Variants in RBFOX1 observed in about 807,000 individuals in gnomAD.
RBFOX1 encodes the protein RNA binding fox-1 homolog 1.
Under a neutral mutation model 57.7 loss-of-function variants are expected in RBFOX1, and 8 were observed. The observed-to-expected ratio is 0.14, with a 90% CI of 0.08 to 0.25. RBFOX1 has a LOEUF of 0.25. Among genes scored for constraint, RBFOX1 ranks in the 10% least tolerant of loss-of-function variants. The pLI, the probability that RBFOX1 is intolerant of heterozygous loss-of-function variation, is 1.00. For synonymous variants in RBFOX1, 326 were observed against 222.4 expected (o/e 1.47, Z -4.15); for missense variants, 611 against 548.5 (o/e 1.11, Z -1.14).
intron 3 of RBFOX1, among the ~76,000 whole-genome samples, chr16:6,931,598 C>T (rs2076573001): frequency 6.6e-6 from 1 of 152,094 alleles, no homozygotes; most frequent in Non-Finnish European, 1.5e-5. Flanking sequence ...CAACATATCC[C>T]ACCCCACAAC....
intron 1 of RBFOX1, among the ~76,000 whole-genome samples, chr16:6,130,220 A>G (rs1294716163): frequency 2.0e-5 from 3 of 152,132 alleles, no homozygotes; most frequent in African/African-American, 7.2e-5. Context: ...GGGTTTGTTA[A>G]GTATACACAT....
At chr16:7,482,864 T>G (rs1450610518) in intron 4 of RBFOX1, among the ~76,000 whole-genome samples, 1 of 152,150 alleles carries the variant, frequency 6.6e-6, no homozygotes, top group African/African-American at 2.4e-5. Flanking sequence ...GAGATGGGCT[T>G]AGATGTTGCA....
chr16:6,829,868 C>T (rs2092573479), intron 3 of RBFOX1, among the ~76,000 whole-genome samples: 3 of 152,186 alleles, frequency 2.0e-5, no homozygotes, highest in Admixed American at 6.5e-5. Context: ...TCCCAAAGTG[C>T]TGGGATTACA....
At chr16:5,585,225 G>A (rs1333527714) in intron 2 of RBFOX1, among the ~76,000 whole-genome samples, 1 of 151,990 alleles carries the variant, frequency 6.6e-6, no homozygotes, top group African/African-American at 2.4e-5. Context: ...CTACAGGATT[G>A]CGTTTTCTGG....
chr16:5,734,042 C>T (rs1168723503), intron 3 of RBFOX1, among the ~76,000 whole-genome samples: 1 of 152,150 alleles, frequency 6.6e-6, no homozygotes, highest in Non-Finnish European at 1.5e-5. Flanking sequence ...TAAGAACATG[C>T]ACGAACAGCC....
chr16:7,096,719 G>T (rs964593284), intron 4 of RBFOX1, among the ~76,000 whole-genome samples: 2 of 151,998 alleles, frequency 1.3e-5, no homozygotes, highest in African/African-American at 2.4e-5. Context: ...ATCACCTGAG[G>T]TCAGGTGTTT....
At chr16:6,675,938 C>G (rs1392310186) in intron 3 of RBFOX1, among the ~76,000 whole-genome samples, 3 of 152,064 alleles carry the variant, frequency 2.0e-5, no homozygotes, top group East Asian at 3.9e-4. Flanking sequence ...GCCTGAGACC[C>G]TTGTGAATCT....
chr16:6,931,295 GTCTATCTATCTATCTATCTA>G (rs1161231181), intron 3 of RBFOX1, among the ~76,000 whole-genome samples: 2 of 136,158 alleles, frequency 1.5e-5, no homozygotes, highest in African/African-American at 2.8e-5. Context: ...CTGTCTGTCT[GTCTATCTATCTATCTATCTA>G]TCTATCTATC....
chr16:6,256,247 G>GTATATATATGTGTATATATATATGTA (rs2097665263), intron 1 of RBFOX1, among the ~76,000 whole-genome samples: 1 of 78,346 alleles, frequency 1.3e-5, no homozygotes, highest in African/African-American at 5.8e-5. Flanking sequence ...ATATATATAT[G>GTATATATATGTGTATATATATATGTA]TATATATATG....
chr16:6,931,340 T>TCTAC (rs139959481), intron 3 of RBFOX1, among the ~76,000 whole-genome samples: 463 of 106,840 alleles, frequency 4.3e-3, no homozygotes, highest in Middle Eastern at 0.021. Context: ...TATCTATCTC[T>TCTAC]ACACACACAC....
At chr16:6,503,376 G>T (rs766145677) in intron 2 of RBFOX1, among the ~76,000 whole-genome samples, 1 of 152,106 alleles carries the variant, frequency 6.6e-6, no homozygotes, top group Admixed American at 6.5e-5. Flanking sequence ...GTAACAGTTA[G>T]CTTTTGCTGG....
intron 4 of RBFOX1, among the ~76,000 whole-genome samples, chr16:7,061,413 T>C (rs1260337676): frequency 6.6e-6 from 1 of 152,166 alleles, no homozygotes; most frequent in Non-Finnish European, 1.5e-5. Context: ...AGTCACAGAT[T>C]TTAATTTCTC....
intron 3 of RBFOX1, among the ~76,000 whole-genome samples, chr16:5,856,147 A>C (rs1597505390): frequency 9.5e-6 from 1 of 104,890 alleles, no homozygotes; most frequent in African/African-American, 4.1e-5. Flanking sequence ...AGGAGTCTTT[A>C]TGGTTCTCTC....
At chr16:7,415,458 G>A (rs1374907106) in intron 4 of RBFOX1, among the ~76,000 whole-genome samples, 72 of 152,174 alleles carry the variant, frequency 4.7e-4, no homozygotes, top group Non-Finnish European at 5.9e-5. Context: ...CCAGCAATGA[G>A]TAACGGACCA....
rs560623213 is a variant in RBFOX1, at chr16:5,645,945, C to A, written c.318+46984C>A. On this transcript the variant is annotated intron_variant, in intron 3 of 19. Coordinates refer to the RBFOX1 transcript ENST00000641259. ...CAAACTCCTGGGCTCAAGTGATTTTCCTGCCCCAGGCTCCTGAGTGAGTAG... is the reference window on the plus strand; with the variant it reads ...CAAACTCCTGGGCTCAAGTGATTTTACTGCCCCAGGCTCCTGAGTGAGTAG... Among the ~76,000 whole-genome samples the A allele has an allele frequency of 2.6e-5, 4 of 152,314 alleles. No homozygotes were observed. In the East Asian group the frequency reaches 7.7e-4, roughly 29 times the overall value.
chr16:7,280,469 A>C (rs2095519642), intron 4 of RBFOX1, among the ~76,000 whole-genome samples: 1 of 152,212 alleles, frequency 6.6e-6, no homozygotes, highest in Admixed American at 6.5e-5. Context: ...AGGTGTTGGT[A>C]GATAAGAGGG....
chr16:7,327,385 T>G (rs573206750), intron 4 of RBFOX1, among the ~76,000 whole-genome samples: 3 of 152,324 alleles, frequency 2.0e-5, no homozygotes, highest in African/African-American at 4.8e-5. Context: ...AGGAATATTA[T>G]GAAGGGCCTC....
chr16:5,901,600 T>C (rs2058306162), intron 4 of RBFOX1, among the ~76,000 whole-genome samples: 1 of 152,132 alleles, frequency 6.6e-6, no homozygotes, highest in African/African-American at 2.4e-5. Context: ...ACAGCCCCAT[T>C]TCAAGCAGTC....
intron 4 of RBFOX1, among the ~76,000 whole-genome samples, chr16:7,287,292 A>G (rs2095668717): frequency 6.6e-6 from 1 of 152,234 alleles, no homozygotes; most frequent in African/African-American, 2.4e-5. Flanking sequence ...AGATGCCACC[A>G]GAATGATGAG....
Sources: gnomAD v4.1 joint callset for allele counts (sites outside exome capture counted in the v4.1 genomes callset) on GRCh38, gnomAD v4.1.1 for gene constraint, MANE v1.5 for transcripts, NCBI Gene and HGNC (gene_info 2026-07-23, HGNC 2026-07-21) for gene names.